MCM9: variants seen among roughly 807,000 people sequenced by gnomAD.
MCM9 encodes DNA helicase MCM9.
MCM9 carries 55 observed loss-of-function variants against 72.8 expected under a neutral mutation model. The ratio of observed to expected loss-of-function variants is 0.76; its 90% confidence interval spans 0.61 to 0.95. The LOEUF (loss-of-function observed/expected upper bound fraction) is 0.95, where lower values mean the gene tolerates loss of function less well. Among genes scored for constraint, MCM9 ranks in the 40% least tolerant of loss-of-function variants. The pLI, the probability that MCM9 is intolerant of heterozygous loss-of-function variation, is 0.00. For synonymous variants in MCM9, 480 were observed against 503.4 expected (o/e 0.95, Z 0.62); for missense variants, 1,279 against 1,377.0 (o/e 0.93, Z 1.13).
chr6:118,835,199 T>C (rs1202240782), intron 9 of MCM9, among the ~76,000 whole-genome samples: 1 of 152,154 alleles, frequency 6.6e-6, no homozygotes, highest in East Asian at 1.9e-4. Context: ...TTCTGTTCCA[T>C]TGGTCTATAT....
intron 9 of MCM9, among the ~76,000 whole-genome samples, chr6:118,837,781 A>G (rs998018849): frequency 2.0e-5 from 3 of 152,154 alleles, no homozygotes; most frequent in Admixed American, 6.5e-5. Context: ...TCTCCTGAAT[A>G]CAGCACACTG....
intron 1 of MCM9, among the ~76,000 whole-genome samples, chr6:118,933,410 G>T (rs1188147053): frequency 6.6e-6 from 1 of 151,978 alleles, no homozygotes; most frequent in South Asian, 2.1e-4. Flanking sequence ...GGAGGCTGAG[G>T]CAGGAGAATG....
chr6:118,897,645 C>A (rs577208869), intron 8 of MCM9, among the ~76,000 whole-genome samples: 69 of 152,194 alleles, frequency 4.5e-4, no homozygotes, highest in African/African-American at 1.6e-3. Context: ...CTCACTCTTT[C>A]ACCACAAATG....
At chr6:118,855,224 T>C (rs1776478139) in intron 9 of MCM9, among the ~76,000 whole-genome samples, 1 of 152,218 alleles carries the variant, frequency 6.6e-6, no homozygotes, top group Admixed American at 6.5e-5. Flanking sequence ...CTTAATAAAC[T>C]ATACTTCTGA....
intron 8 of MCM9, chr6:118,908,438 G>A (rs1352985102): frequency 6.6e-6 from 1 of 152,052 alleles, no homozygotes; most frequent in Non-Finnish European, 1.5e-5. Context: ...AAAATACCAT[G>A]ACCTTTAAAA....
At chr6:118,828,583 T>G (rs1163164841) in intron 10 of MCM9, among the ~76,000 whole-genome samples, 3 of 152,102 alleles carry the variant, frequency 2.0e-5, no homozygotes, top group African/African-American at 7.2e-5. Context: ...TGGGGTTTCA[T>G]CATGCTGGCT....
chr6:118,830,859 C>T (rs1264352383), intron 9 of MCM9, among the ~76,000 whole-genome samples: 1 of 152,148 alleles, frequency 6.6e-6, no homozygotes, highest in African/African-American at 2.4e-5. Context: ...AATTAGTTTA[C>T]AACAGAACTG....
Position 118,828,014 on chromosome 6 carries a change from A to G in MCM9, c.1645T>C (p.Tyr549His). 1 of 1,550,910 alleles carries G rather than the reference A, an allele frequency of 6.4e-7. No individual in the cohort carries two copies. The highest frequency in any genetic ancestry group is 8.7e-7 in the Non-Finnish European group (1 of 1,147,072). Residue 549 changes from tyrosine (Y) to histidine (H), a missense_variant, in exon 11 of 14, where the codon TAC (tyrosine) becomes CAC (histidine). By Grantham distance (83) the Tyr-to-His change is moderately conservative. Coordinates refer to ENST00000619706, the MANE Select transcript of MCM9 (RefSeq NM_017696.3). ...SDVGNQVLLR[Y>H]YQMQRQSDCR... Reference sequence around the variant, plus strand: ...TCACTCTGCCTTTGCATCTGGTAGTACCGGAGAAGAACCTGATTGCCCACA... The same window carrying G: ...TCACTCTGCCTTTGCATCTGGTAGTGCCGGAGAAGAACCTGATTGCCCACA...
Position 118,838,184 on chromosome 6 carries a change from G to A in MCM9, c.1326-8934C>T, listed in dbSNP as rs529975233. Among the ~76,000 whole-genome samples, 40 of 140,072 alleles carry A rather than the reference G, an allele frequency of 2.9e-4. No homozygotes were observed. In the East Asian group the frequency reaches 5.0e-3, roughly 18 times the overall value. The allele number at this position is 140,072 out of a possible 152,430, so 91.9% of individuals were successfully genotyped here. A position where few individuals can be genotyped will look rare whatever the true frequency, so the allele number is the denominator to read the frequency against. On this transcript the variant is annotated intron_variant, in intron 9 of 13. Transcript: ENST00000619706. ...CTTTTTTTTTTTTTTTTTTTGAGACGGAGTCTCACCCTGTCACCCAGGTTG... is the reference window on the plus strand; with the variant it reads ...CTTTTTTTTTTTTTTTTTTTGAGACAGAGTCTCACCCTGTCACCCAGGTTG...
At chr6:118,876,211 T>C (rs1306743118) in intron 8 of MCM9, among the ~76,000 whole-genome samples, 1 of 151,100 alleles carries the variant, frequency 6.6e-6, no homozygotes, top group African/African-American at 2.4e-5. Flanking sequence ...GATCAGTGGT[T>C]GCCAGGGGTT....
At chr6:118,883,691 C>G (rs1475519909) in intron 8 of MCM9, among the ~76,000 whole-genome samples, 2 of 149,656 alleles carry the variant, frequency 1.3e-5, no homozygotes. Flanking sequence ...ATTCAAAGTG[C>G]TGAAAGAAAA....
At chr6:118,926,396 A>C (rs1781896056) in intron 3 of MCM9, among the ~76,000 whole-genome samples, 1 of 152,200 alleles carries the variant, frequency 6.6e-6, no homozygotes. Flanking sequence ...ATTTCATGTT[A>C]TTTATTGAAT....
rs1291762881 is a variant in MCM9, at chr6:118,815,040, T to C, written c.3216A>G (p.Lys1072=). ...CFTPPSESKS[K]SPPPERKNRG... is the part of the protein sequence containing the mutation. ...GGTTCTTCCTTTCAGGAGGAGGGGATTTTGATTTGGATTCCGATGGGGGAG... is the reference window on the plus strand; with the variant it reads ...GGTTCTTCCTTTCAGGAGGAGGGGACTTTGATTTGGATTCCGATGGGGGAG... Residue 1072 remains lysine (K), a synonymous_variant, in exon 14 of 14, where the codon AAA becomes AAG. Coordinates refer to ENST00000619706, the MANE Select transcript of MCM9 (RefSeq NM_017696.3). 4.5e-6 allele frequency: 7 copies of C among 1,550,314 alleles called. No homozygotes were observed. The Middle Eastern group carries it at 5.0e-4, about 111-fold the overall frequency.
At chr6:118,828,945 C>G in intron 10 of MCM9, 103 bp downstream of exon 10, 1 of 1,186,202 alleles carries the variant, frequency 8.4e-7, no homozygotes, top group Non-Finnish European at 1.2e-6. Flanking sequence ...CCTGGTACTA[C>G]ATAGCCTATC....
At chr6:118,858,430 C>T (rs574853184) in intron 8 of MCM9, among the ~76,000 whole-genome samples, 2 of 152,172 alleles carry the variant, frequency 1.3e-5, no homozygotes, top group African/African-American at 4.8e-5. Context: ...TGAATGTTTC[C>T]TCATCTCCTA....
chr6:118,826,204 AT>A lies in MCM9; in HGVS notation c.1903del (p.Ile635PhefsTer5). 6.4e-7 allele frequency: 1 copy of A among 1,550,548 alleles called. No individual in the cohort carries two copies. The highest frequency in any genetic ancestry group is 2.4e-5 in the East Asian group (1 of 40,924). On this transcript the variant is annotated frameshift_variant, in exon 13 of 14. Coordinates refer to ENST00000619706, the MANE Select transcript of MCM9 (RefSeq NM_017696.3). LOFTEE classifies it high-confidence loss of function. ...GCTCTGCAGCTCTAGCTTTTCCAGA[AT>A]AAGTTCACACTGTCTCTGGTACTGC... ...GEQYQRQCELILEKLELQSLL... is the reference protein window; with the variant it reads ...GEQYQRQCELXLEKLELQSLL...
chr6:118,825,973 T>C (rs1774142446), intron 13 of MCM9, among the ~76,000 whole-genome samples, 174 bp downstream of exon 13: 1 of 152,178 alleles, frequency 6.6e-6, no homozygotes, highest in Non-Finnish European at 1.5e-5. Context: ...CAGTTGATTA[T>C]ACAGCAGTAG....
intron 8 of MCM9, 149 bp from the exon 9 acceptor site, chr6:118,856,694 C>T (rs1456388259): frequency 2.5e-6 from 2 of 792,018 alleles, no homozygotes; most frequent in Non-Finnish European, 1.9e-6. Context: ...GCCTGGACAA[C>T]ATGGCAAAAC....
At chr6:118,894,796 G>C (rs1562427002) in intron 8 of MCM9, among the ~76,000 whole-genome samples, 1 of 152,222 alleles carries the variant, frequency 6.6e-6, no homozygotes, top group African/African-American at 2.4e-5. Context: ...CGGGCGGGCA[G>C]CTCGGAGACC....
Sources: gnomAD v4.1 joint callset for allele counts (sites outside exome capture counted in the v4.1 genomes callset) on GRCh38, gnomAD v4.1.1 for gene constraint, MANE v1.5 for transcripts, NCBI Gene and HGNC (gene_info 2026-07-23, HGNC 2026-07-21) for gene names.